SPG11: variants seen among roughly 807,000 people sequenced by gnomAD.
The protein encoded by SPG11 is SPG11 vesicle trafficking associated, spatacsin, also known as spatacsin.
In SPG11, 222 loss-of-function variants were observed where a neutral mutation model predicts 274.0. The ratio of observed to expected loss-of-function variants is 0.81; its 90% CI spans 0.73 to 0.91. SPG11 has a LOEUF of 0.91. Ranked by LOEUF, SPG11 falls within the 40% of genes least tolerant of loss-of-function variation. The probability of loss-of-function intolerance (pLI) is 0.00; values close to 1 mark genes in which losing one functional copy is unlikely to be tolerated. For missense variants in SPG11, 3,114 were observed against 2,872.7 expected, an observed-to-expected ratio of 1.08 and a Z score of -1.92; for synonymous variants, 1,144 against 1,039.7, an observed-to-expected ratio of 1.10 and a Z score of -1.93.
At chr15:44,614,618 A>G (rs2083545266) in intron 16 of SPG11, among the ~76,000 whole-genome samples, 1 of 152,206 alleles carries the variant, frequency 6.6e-6, no homozygotes, top group Admixed American at 6.5e-5. Flanking sequence ...AGTAGAATTA[A>G]ATCAGCTCTT....
rs1261724331 is a variant in SPG11 at position 44,566,236 on chromosome 15, G to A, written c.6824C>T (p.Ala2275Val). 6.2e-7 allele frequency: 1 copy of A among 1,614,222 alleles called. No homozygotes were observed. The highest frequency in any genetic ancestry group is 2.2e-5 in the East Asian group (1 of 44,890). The change falls in exon 37 of 40, where the codon GCA becomes GTA. Residue 2275 changes from alanine to valine, a missense_variant. By Grantham distance (64) the Ala-to-Val change is moderately conservative. Transcript: ENST00000261866. ...LLKALTLMLD[A>V]AESYAKDSCV... ...GGTTACCTTGGCATAACTCTCTGCT[G>A]CATCCAACATCAGAGTCAGGGCCTT...
intron 23 of SPG11, 63 bp from the exon 24 acceptor site, chr15:44,597,006 T>C: frequency 6.6e-7 from 1 of 1,520,152 alleles, no homozygotes; most frequent in Non-Finnish European, 9.0e-7. Context: ...AAAATATAGC[T>C]TTAGCTTGAA....
rs146809831 is a variant in SPG11, at chr15:44,562,924, C to A, written c.*197G>T. ...ATATAAAATGGTGTGGATGAACAAT[C>A]ATCTAAAATCAATCTATTTTAAATA... On this transcript the variant is annotated 3_prime_UTR_variant, in exon 40 of 40. Coordinates refer to ENST00000261866, the MANE Select transcript of SPG11 (RefSeq NM_025137.4). 3.4e-6 allele frequency: 2 copies of A among 580,536 alleles called. No individual in the cohort carries two copies. The highest frequency in any genetic ancestry group is 2.9e-5 in the East Asian group (1 of 34,406). The allele number at this position is 580,536 out of a possible 1,614,324, so 36.0% of individuals were successfully genotyped here.
intron 16 of SPG11, among the ~76,000 whole-genome samples, chr15:44,614,724 G>C (rs1428737575): frequency 6.6e-6 from 1 of 152,156 alleles, no homozygotes; most frequent in African/African-American, 2.4e-5. Flanking sequence ...CTACCCCATA[G>C]AGTTTTTGTG....
At chr15:44,577,981 G>T (rs1453070424) in intron 30 of SPG11, among the ~76,000 whole-genome samples, 1 of 151,546 alleles carries the variant, frequency 6.6e-6, no homozygotes. Flanking sequence ...GTGACAGCAG[G>T]CAAGAGCTAA....
At chr15:44,589,710 G>GAGTTAATGTAAAATATTCCTACGGT (rs1235894359) in intron 27 of SPG11, among the ~76,000 whole-genome samples, 2 of 152,212 alleles carry the variant, frequency 1.3e-5, no homozygotes, top group African/African-American at 2.4e-5. Context: ...GCTAACTACA[G>GAGTTAATGTAAAATATTCCTACGGT]AGTTAATGTA....
intron 21 of SPG11, 104 bp from the exon 22 acceptor site, chr15:44,598,940 G>C: frequency 8.7e-7 from 1 of 1,148,550 alleles, no homozygotes; most frequent in Non-Finnish European, 1.3e-6. Context: ...CCAGCCATGT[G>C]ATTTGTGGCC....
intron 7 of SPG11, among the ~76,000 whole-genome samples, chr15:44,645,406 G>C (rs1040047035): frequency 1.3e-5 from 2 of 152,160 alleles, no homozygotes; most frequent in Admixed American, 6.6e-5. Flanking sequence ...GGGATAAAAG[G>C]CTAGCCATAT....
chr15:44,591,315 G>A (rs558126829), intron 27 of SPG11, among the ~76,000 whole-genome samples: 3 of 152,268 alleles, frequency 2.0e-5, no homozygotes, highest in African/African-American at 7.2e-5. Context: ...ATGTTTAGAA[G>A]AACAAAAGTT....
intron 26 of SPG11, among the ~76,000 whole-genome samples, chr15:44,592,805 G>A (rs2082936787): frequency 6.6e-6 from 1 of 151,994 alleles, no homozygotes; most frequent in Non-Finnish European, 1.5e-5. Context: ...GGGCGACAGA[G>A]TGAGACTCTG....
chr15:44,656,701 T>C (rs573714701), intron 4 of SPG11, among the ~76,000 whole-genome samples: 5 of 152,118 alleles, frequency 3.3e-5, no homozygotes, highest in Non-Finnish European at 7.3e-5. Context: ...GAAAAAGTCA[T>C]TGACAATGAA....
At position 44,584,251 on chromosome 15, in the gene SPG11, G is replaced by A; in HGVS notation, c.5429C>T (p.Thr1810Ile). 1 of 1,614,202 alleles carries A rather than the reference G, an allele frequency of 6.2e-7. No homozygotes were observed. Among genetic ancestry groups the A allele is most frequent in the Non-Finnish European group, 8.5e-7 (1 of 1,180,028 alleles). Residue 1810 changes from threonine to isoleucine, a missense_variant, in exon 30 of 40, where the codon ACT becomes ATT. By Grantham distance (89) the Thr-to-Ile change is moderately conservative. Coordinates refer to ENST00000261866, the MANE Select transcript of SPG11 (RefSeq NM_025137.4). ...TGTTTCCTCCTGATTTCTTCCAAGA[G>A]TGTGCTGGGTGATGCGGCACAGCCA... ...QIWLCRITQH[T>I]LGRNQEETEP...
At chr15:44,644,303 T>C (rs1318773193) in intron 7 of SPG11, among the ~76,000 whole-genome samples, 1 of 152,158 alleles carries the variant, frequency 6.6e-6, no homozygotes, top group Non-Finnish European at 1.5e-5. Context: ...TCAATAAATG[T>C]GATTCATCAT....
At chr15:44,658,748 C>T (rs1281895780) in intron 3 of SPG11, among the ~76,000 whole-genome samples, 1 of 152,014 alleles carries the variant, frequency 6.6e-6, no homozygotes, top group Non-Finnish European at 1.5e-5. Flanking sequence ...CGTGAGCCAC[C>T]GCACCTGGCC....
intron 17 of SPG11, 68 bp downstream of exon 17, chr15:44,613,362 T>C (rs1403728275): frequency 9.9e-7 from 1 of 1,014,044 alleles, no homozygotes; most frequent in African/African-American, 1.6e-5. Flanking sequence ...TTCACAAGTT[T>C]AATACCATTC....
intron 13 of SPG11, 65 bp from the exon 14 acceptor site, chr15:44,621,999 T>C (rs1294097360): frequency 1.5e-6 from 2 of 1,335,086 alleles, no homozygotes; most frequent in Non-Finnish European, 2.1e-6. Context: ...TTCCTTTTTA[T>C]CTGCTCAAGA....
chr15:44,616,601 T>C (rs1038191817), intron 15 of SPG11, among the ~76,000 whole-genome samples: 6 of 152,228 alleles, frequency 3.9e-5, no homozygotes, highest in South Asian at 2.1e-4. Context: ...TCTGGATATA[T>C]TGTTCTCTAC....
Position 44,573,647 on chromosome 15 carries a change from G to A in SPG11, c.6105C>T (p.Ala2035=), listed in dbSNP as rs1595828430. 5.6e-6 allele frequency: 9 copies of A among 1,614,186 alleles called. No homozygotes were observed. Among genetic ancestry groups the A allele is most frequent in the Non-Finnish European group, 7.6e-6 (9 of 1,180,038 alleles). ...GGCCCTGTGTGCTGATGAAGGCCTGGGCTCGTTTGCATCGGTCAGGCTGCT... is the reference window on the plus strand; with the variant it reads ...GGCCCTGTGTGCTGATGAAGGCCTGAGCTCGTTTGCATCGGTCAGGCTGCT... ...ASQQPDRCKR[A]QAFISTQGLK... The change falls in exon 32 of 40, where the codon GCC becomes GCT. Residue 2035 remains alanine (A), a synonymous_variant. Coordinates refer to ENST00000261866, the MANE Select transcript of SPG11 (RefSeq NM_025137.4).
chr15:44,566,411 C>A, intron 36 of SPG11, 106 bp from the exon 37 acceptor site: 1 of 1,120,376 alleles, frequency 8.9e-7, no homozygotes, highest in South Asian at 1.3e-5. Flanking sequence ...CAGCCATGTT[C>A]ACAGGCAGGC....
Sources: gnomAD v4.1 joint callset for allele counts (sites outside exome capture counted in the v4.1 genomes callset) on GRCh38, gnomAD v4.1.1 for gene constraint, MANE v1.5 for transcripts, NCBI Gene and HGNC (gene_info 2026-07-23, HGNC 2026-07-21) for gene names.